CABLES1: variants seen among roughly 807,000 people sequenced by gnomAD.
The protein encoded by CABLES1 is Cdk5 and Abl enzyme substrate 1.
In CABLES1, 36 loss-of-function variants were observed where a neutral mutation model predicts 57.8. The ratio of observed to expected loss-of-function variants is 0.62; its 90% CI spans 0.48 to 0.82. The LOEUF (loss-of-function observed/expected upper bound fraction) is 0.82. CABLES1 is among the 40% of genes least tolerant of loss of function. The pLI is 0.00. For synonymous variants in CABLES1, 374 were observed against 363.0 expected (o/e 1.03, Z -0.35); for missense variants, 767 against 836.6 (o/e 0.92, Z 1.03).
At position 23,180,246 on chromosome 18, in the gene CABLES1, G is replaced by T. The variant is rs867559535; in HGVS notation, c.846-8592G>T. On this transcript the variant is annotated intron_variant, in intron 1 of 9. Transcript: ENST00000256925. ...AACAGTTTGTTTTTTTTAAGTGAGC[G>T]CAGTCTGATTGGACTTCTGCTGGAG... 2.0e-5 allele frequency among the ~76,000 whole-genome samples: 3 copies of T among 152,134 alleles called. No individual in the cohort carries two copies. The South Asian group carries it at 6.2e-4, about 32-fold the overall frequency.
intron 3 of CABLES1, among the ~76,000 whole-genome samples, chr18:23,207,403 T>C (rs1446073636): frequency 6.6e-6 from 1 of 152,232 alleles, no homozygotes; most frequent in African/African-American, 2.4e-5. Flanking sequence ...CATGCCAGTT[T>C]TCCCGCCAGC....
chr18:23,191,068 A>AC (rs551418974), intron 2 of CABLES1, among the ~76,000 whole-genome samples: 185 of 121,254 alleles, frequency 1.5e-3, no homozygotes, highest in Middle Eastern at 0.011. Flanking sequence ...ATGTAGTGAG[A>AC]CCCCATCTCT....
At chr18:23,214,268 G>A in intron 4 of CABLES1, 1 of 478,228 alleles carries the variant, frequency 2.1e-6, no homozygotes. Context: ...CCATCCTATT[G>A]CCTGTTCTTT....
At chr18:23,230,884 A>C (rs926569116) in intron 4 of CABLES1, among the ~76,000 whole-genome samples, 1 of 151,926 alleles carries the variant, frequency 6.6e-6, no homozygotes, top group African/African-American at 2.4e-5. Flanking sequence ...AAACTGTCAC[A>C]CCCGCCCCGT....
intron 1 of CABLES1, among the ~76,000 whole-genome samples, chr18:23,183,941 C>T (rs1360537603): frequency 1.3e-5 from 2 of 152,158 alleles, no homozygotes; most frequent in African/African-American, 4.8e-5. Context: ...GGAGAAGACA[C>T]TACGACATAC....
At chr18:23,197,397 G>A (rs545166784) in intron 3 of CABLES1, 7 of 151,522 alleles carry the variant, frequency 4.6e-5, no homozygotes, top group African/African-American at 1.7e-4. Context: ...GGAGGATGGA[G>A]TTTGCCTTCT....
intron 7 of CABLES1, among the ~76,000 whole-genome samples, chr18:23,247,208 G>A (rs1049235758): frequency 2.0e-5 from 3 of 152,318 alleles, no homozygotes; most frequent in African/African-American, 7.2e-5. Context: ...GCCTCTAAGG[G>A]CCACCATCAG....
intron 1 of CABLES1, among the ~76,000 whole-genome samples, chr18:23,188,215 A>C (rs901362253): frequency 3.3e-5 from 5 of 152,190 alleles, no homozygotes; most frequent in African/African-American, 1.2e-4. Context: ...GCAGTTTGCA[A>C]TTCCTTAGCA....
intron 1 of CABLES1, 97 bp from the exon 2 acceptor site, chr18:23,188,741 T>G: frequency 1.2e-6 from 1 of 861,792 alleles, no homozygotes; most frequent in Non-Finnish European, 2.0e-6. Context: ...TTAACGGACT[T>G]CATGTTTTTG....
chr18:23,245,850 A>C (rs1411538551), intron 7 of CABLES1, among the ~76,000 whole-genome samples: 1 of 152,360 alleles, frequency 6.6e-6, no homozygotes, highest in Non-Finnish European at 1.5e-5. Context: ...GCACCCTTGC[A>C]AAAAACACAA....
At chr18:23,214,497 A>T in intron 4 of CABLES1, 1 of 153,976 alleles carries the variant, frequency 6.5e-6, no homozygotes. Context: ...CATCAAAGCA[A>T]AAGGGTTCCA....
At chr18:23,134,920 T>C (rs2046806406), upstream of CABLES1, among the ~76,000 whole-genome samples, 1 of 152,130 alleles carries the variant, frequency 6.6e-6, no homozygotes, top group Non-Finnish European at 1.5e-5. Context: ...CTGCAATGGT[T>C]GTTAGCGATA....
intron 1 of CABLES1, among the ~76,000 whole-genome samples, chr18:23,176,330 A>G (rs1327393676): frequency 6.6e-6 from 1 of 152,174 alleles, no homozygotes; most frequent in Non-Finnish European, 1.5e-5. Context: ...TGCACAGTTC[A>G]CAATAGGCTT....
At chr18:23,200,994 C>CGT (rs2047321453) in intron 3 of CABLES1, among the ~76,000 whole-genome samples, 1 of 152,076 alleles carries the variant, frequency 6.6e-6, no homozygotes, top group South Asian at 2.1e-4. Context: ...GAGTGATTGG[C>CGT]GTAAAGGCCC....
chr18:23,211,835 A>G (rs994958689), intron 3 of CABLES1, among the ~76,000 whole-genome samples: 20 of 152,248 alleles, frequency 1.3e-4, no homozygotes, highest in Admixed American at 3.3e-4. Flanking sequence ...AGGTAAATTT[A>G]CAGGGGCACT....
chr18:23,142,902 C>T (rs1049447145), intron 1 of CABLES1, among the ~76,000 whole-genome samples: 1 of 152,118 alleles, frequency 6.6e-6, no homozygotes, highest in African/African-American at 2.4e-5. Context: ...ATGTGGCAGG[C>T]ATTATTCTAA....
chr18:23,235,585 A>G (rs1242377916), intron 5 of CABLES1, among the ~76,000 whole-genome samples: 1 of 152,150 alleles, frequency 6.6e-6, no homozygotes, highest in Admixed American at 6.5e-5. Context: ...TGCCTTGTGG[A>G]TTACACAACA....
At chr18:23,221,376 C>T (rs980579081) in intron 4 of CABLES1, among the ~76,000 whole-genome samples, 2 of 152,230 alleles carry the variant, frequency 1.3e-5, no homozygotes, top group African/African-American at 2.4e-5. Context: ...GTCTTGCCTG[C>T]AGCATGAACC....
chr18:23,236,104 C>T (rs2047608023), intron 6 of CABLES1, 53 bp downstream of exon 6: 3 of 1,583,752 alleles, frequency 1.9e-6, no homozygotes, highest in South Asian at 1.1e-5. Context: ...GAGGTGCCTC[C>T]ATTTACATGG....
Sources: allele counts gnomAD v4.1 joint callset (sites outside exome capture counted in the v4.1 genomes callset), GRCh38; gene constraint gnomAD v4.1.1; transcripts MANE v1.5; gene names NCBI Gene and HGNC (gene_info 2026-07-23, HGNC 2026-07-21).